The following PAX7 variants were observed in gnomAD, a reference collection of about 807,000 sequenced individuals.
PAX7 encodes paired box protein Pax-7.
A neutral mutation model predicts 50.7 loss-of-function variants in PAX7; 18 were observed. That is an observed-to-expected ratio of 0.36 (90% CI 0.25 to 0.53). PAX7 has a LOEUF of 0.53. Among genes scored for constraint, PAX7 ranks in the 20% least tolerant of loss-of-function variants. The pLI is 0.93. For missense variants in PAX7, 644 were observed against 702.9 expected (o/e 0.92, Z 0.95); for synonymous variants, 310 against 290.4 (o/e 1.07, Z -0.69).
intron 4 of PAX7, among the ~76,000 whole-genome samples, chr1:18,678,130 A>G (rs2088850241): frequency 6.6e-6 from 1 of 151,428 alleles, no homozygotes; most frequent in African/African-American, 2.4e-5. Flanking sequence ...AGAAGCATTT[A>G]GCCGGGCGCA....
intron 4 of PAX7, among the ~76,000 whole-genome samples, chr1:18,678,088 A>G (rs2088849260): frequency 6.7e-6 from 1 of 149,172 alleles, no homozygotes; most frequent in Admixed American, 6.7e-5. Context: ...TCTGAAAAAA[A>G]AAAAAAAAGA....
chr1:18,700,928 T>C lies in PAX7; in HGVS notation c.952+110T>C. ...TTTATGACCATTTCTTACTTTCATG[T>C]AAGCAGGCTATTGAGAGCAAAAAGA... On this transcript the variant is annotated intron_variant, in intron 6 of 8. Coordinates refer to ENST00000420770, the MANE Select transcript of PAX7 (RefSeq NM_001135254.2). The surrounding 1 kb of genome is among the most constrained non-coding windows in gnomAD (Gnocchi z 4.8). The C allele has an allele frequency of 9.1e-7, 1 of 1,099,400 alleles. No individual in the cohort carries two copies. Among genetic ancestry groups the C allele is most frequent in the Non-Finnish European group, 1.2e-6 (1 of 814,848 alleles). 68.1% of individuals were successfully genotyped at this position (1,099,400 alleles called of 1,614,324 possible).
chr1:18,720,885 A>AG (rs2089484929), intron 7 of PAX7, among the ~76,000 whole-genome samples: 1 of 151,916 alleles, frequency 6.6e-6, no homozygotes, highest in South Asian at 2.1e-4. Context: ...GGGATGATGG[A>AG]GGGGGGACCC....
chr1:18,652,220 T>C (rs1311591041), intron 4 of PAX7, among the ~76,000 whole-genome samples: 3 of 151,712 alleles, frequency 2.0e-5, no homozygotes, highest in Admixed American at 6.5e-5. Flanking sequence ...GCCTCCACCC[T>C]TAACCTCAAC....
chr1:18,697,561 A>T (rs2089165766), intron 5 of PAX7, among the ~76,000 whole-genome samples: 1 of 152,128 alleles, frequency 6.6e-6, no homozygotes, highest in Non-Finnish European at 1.5e-5. Flanking sequence ...CCATCTTAGG[A>T]GTTAGAGGCA....
At chr1:18,712,006 C>T (rs561054779) in intron 7 of PAX7, among the ~76,000 whole-genome samples, 4 of 152,300 alleles carry the variant, frequency 2.6e-5, no homozygotes, top group African/African-American at 9.6e-5. Context: ...TTAGGCTGCC[C>T]GTCCACTCTG....
At chr1:18,701,590 C>T (rs1216548943) in intron 6 of PAX7, among the ~76,000 whole-genome samples, 1 of 152,046 alleles carries the variant, frequency 6.6e-6, no homozygotes, top group Non-Finnish European at 1.5e-5. Context: ...TTGCTGGGAC[C>T]TCATTTTCTT....
chr1:18,702,594 T>C (rs2089236059), intron 6 of PAX7, among the ~76,000 whole-genome samples: 2 of 152,164 alleles, frequency 1.3e-5, no homozygotes, highest in South Asian at 4.1e-4. Context: ...ATTCAAATCC[T>C]GGTCCCATCA....
chr1:18,743,256 G>A (rs1158290820), intron 8 of PAX7, among the ~76,000 whole-genome samples: 1 of 152,210 alleles, frequency 6.6e-6, no homozygotes, highest in Non-Finnish European at 1.5e-5. Context: ...TAGATGAGGT[G>A]GGATGCCCCA....
intron 8 of PAX7, among the ~76,000 whole-genome samples, chr1:18,739,714 T>C (rs1931018424): frequency 6.6e-6 from 1 of 152,172 alleles, no homozygotes; most frequent in African/African-American, 2.4e-5. Flanking sequence ...GTACTCCTCC[T>C]CTTCTCCGTG....
Position 18,634,395 on chromosome 1 carries a change from G to C in PAX7, c.178G>C (p.Val60Leu). The C allele has an allele frequency of 6.2e-7, 1 of 1,614,194 alleles. No individual in the cohort carries two copies. The highest frequency in any genetic ancestry group is 8.5e-7 in the Non-Finnish European group (1 of 1,180,046). ...GCCTAACCACATCCGCCACAAGATAGTGGAGATGGCCCACCATGGCATCCG... is the reference window on the plus strand; with the variant it reads ...GCCTAACCACATCCGCCACAAGATACTGGAGATGGCCCACCATGGCATCCG... ...PLPNHIRHKIVEMAHHGIRPC... is the reference protein window; with the variant it reads ...PLPNHIRHKILEMAHHGIRPC... The change falls in exon 2 of 9, where the codon GTG becomes CTG. Residue 60 changes from valine to leucine, a missense_variant. Val to Leu is a conservative substitution (Grantham distance 32). Coordinates refer to ENST00000420770, the MANE Select transcript of PAX7 (RefSeq NM_001135254.2). This position sits in a 1 kb window ranked among gnomAD's most constrained non-coding sequence, Gnocchi z 4.0.
chr1:18,653,231 T>A (rs1414562937), intron 4 of PAX7, among the ~76,000 whole-genome samples: 1 of 152,058 alleles, frequency 6.6e-6, no homozygotes. Context: ...ATGGGCTTCC[T>A]GGCCCGCATT....
At chr1:18,646,055 A>G (rs776786359) in intron 4 of PAX7, among the ~76,000 whole-genome samples, 9 of 152,154 alleles carry the variant, frequency 5.9e-5, no homozygotes, top group Non-Finnish European at 8.8e-5. Context: ...GGGGGGATAT[A>G]CCCCATCCTC....
At chr1:18,683,840 A>T (rs1214980466) in intron 4 of PAX7, among the ~76,000 whole-genome samples, 1 of 152,014 alleles carries the variant, frequency 6.6e-6, no homozygotes, top group East Asian at 1.9e-4. Flanking sequence ...ACTGTCTCAA[A>T]AATAATAATA....
intron 4 of PAX7, among the ~76,000 whole-genome samples, chr1:18,642,205 G>C (rs1364969875): frequency 1.5e-5 from 2 of 136,606 alleles, no homozygotes; most frequent in Non-Finnish European, 3.4e-5. Flanking sequence ...TTTCATTCCA[G>C]GTTACCTCTT....
intron 4 of PAX7, among the ~76,000 whole-genome samples, chr1:18,678,762 G>A (rs2088857641): frequency 6.6e-6 from 1 of 151,398 alleles, no homozygotes; most frequent in Admixed American, 6.6e-5. Context: ...GGATGGTGGG[G>A]TTAGACAACA....
At chr1:18,693,195 G>A (rs1321003419) in intron 5 of PAX7, among the ~76,000 whole-genome samples, 1 of 152,170 alleles carries the variant, frequency 6.6e-6, no homozygotes, top group Non-Finnish European at 1.5e-5. Flanking sequence ...GGGAGTCAGA[G>A]CGGCCTGCAG....
intron 7 of PAX7, 64 bp downstream of exon 7, chr1:18,703,360 C>T: frequency 4.2e-6 from 6 of 1,438,204 alleles, no homozygotes; most frequent in Non-Finnish European, 5.8e-6. Flanking sequence ...CTGCAGACAG[C>T]ACGTGGGTGG....
At chr1:18,657,999 A>T (rs1007876893) in intron 4 of PAX7, among the ~76,000 whole-genome samples, 34 of 152,274 alleles carry the variant, frequency 2.2e-4, no homozygotes, top group African/African-American at 7.9e-4. Flanking sequence ...CGACGCATGA[A>T]TACCTCTCAA....
Sources: allele counts gnomAD v4.1 joint callset (sites outside exome capture counted in the v4.1 genomes callset), GRCh38; gene constraint gnomAD v4.1.1; non-coding constraint Gnocchi (gnomAD v3.1); transcripts MANE v1.5; gene names NCBI Gene and HGNC (gene_info 2026-07-23, HGNC 2026-07-21).